PCBD2: variants seen among roughly 807,000 people sequenced by gnomAD.
PCBD2 encodes pterin-4 alpha-carbinolamine dehydratase 2.
Under a neutral mutation model 16.4 loss-of-function variants are expected in PCBD2, and 12 were observed. That is an observed-to-expected ratio of 0.73 (90% CI 0.47 to 1.19). The LOEUF (loss-of-function observed/expected upper bound fraction) is 1.19. PCBD2 is among the 50% of genes most tolerant of loss of function. PCBD2 has a pLI of 0.00. For missense variants in PCBD2, 138 were observed against 156.8 expected, an observed-to-expected ratio of 0.88 and a Z score of 0.64; for synonymous variants, 58 against 61.8, an observed-to-expected ratio of 0.94 and a Z score of 0.29.
At chr5:134,940,078 C>T (rs1271045530) in intron 2 of PCBD2, among the ~76,000 whole-genome samples, 2 of 152,080 alleles carry the variant, frequency 1.3e-5, no homozygotes, top group Non-Finnish European at 2.9e-5. Flanking sequence ...AGTAACTCTC[C>T]CAGGCGAAAG....
intron 3 of PCBD2, among the ~76,000 whole-genome samples, chr5:134,959,854 T>G (rs1751455401): frequency 6.6e-6 from 1 of 151,862 alleles, no homozygotes; most frequent in African/African-American, 2.4e-5. Context: ...TTCCATCCTT[T>G]ACTCCCATTT....
chr5:134,957,152 G>C (rs1580895701), intron 2 of PCBD2, among the ~76,000 whole-genome samples: 1 of 152,148 alleles, frequency 6.6e-6, no homozygotes, highest in Non-Finnish European at 1.5e-5. Flanking sequence ...AATCCCAGCT[G>C]CTCAGGATGC....
intron 2 of PCBD2, among the ~76,000 whole-genome samples, chr5:134,951,464 A>G (rs1198989547): frequency 1.3e-5 from 2 of 152,186 alleles, no homozygotes; most frequent in African/African-American, 4.8e-5. Context: ...TAGCTATTAC[A>G]GGCAGTGCTG....
At chr5:134,909,232 C>T (rs2149529641) in intron 1 of PCBD2, among the ~76,000 whole-genome samples, 1 of 152,360 alleles carries the variant, frequency 6.6e-6, no homozygotes, top group South Asian at 2.1e-4. Flanking sequence ...GGGCAGTACT[C>T]TGGCCAAACT....
intron 1 of PCBD2, among the ~76,000 whole-genome samples, chr5:134,909,508 A>G (rs1750739162): frequency 6.6e-6 from 1 of 152,210 alleles, no homozygotes; most frequent in East Asian, 1.9e-4. Context: ...GCTCTGTACA[A>G]AATAAGCTGT....
chr5:134,908,402 C>T (rs192626384), intron 1 of PCBD2, among the ~76,000 whole-genome samples: 72 of 152,066 alleles, frequency 4.7e-4, no homozygotes, highest in African/African-American at 1.6e-3. Flanking sequence ...CAGTGGCTCA[C>T]GCCTGTAATC....
chr5:134,927,745 T>C (rs1465443180), intron 2 of PCBD2: 10 of 397,770 alleles, frequency 2.5e-5, no homozygotes, highest in Non-Finnish European at 4.4e-5. Context: ...GAGATTAGTA[T>C]AGAGAGGTAG....
intron 2 of PCBD2, chr5:134,926,658 C>T (rs1751002180): frequency 2.5e-6 from 1 of 396,488 alleles, no homozygotes; most frequent in Admixed American, 4.4e-5. Context: ...ACTATATTTA[C>T]AGGAGGAAAA....
chr5:134,921,804 C>G (rs1422456163), intron 2 of PCBD2, among the ~76,000 whole-genome samples: 2 of 152,196 alleles, frequency 1.3e-5, no homozygotes, highest in Admixed American at 1.3e-4. Flanking sequence ...TGCCTTCCCT[C>G]TAGAGTTCTG....
chr5:134,912,443 G>A (rs942710888), intron 2 of PCBD2, among the ~76,000 whole-genome samples: 6 of 152,200 alleles, frequency 3.9e-5, no homozygotes, highest in African/African-American at 7.2e-5. Flanking sequence ...AAAGGGCACC[G>A]TGGGGTGAGC....
chr5:134,948,381 A>C (rs1050996629), intron 2 of PCBD2, among the ~76,000 whole-genome samples: 1 of 152,218 alleles, frequency 6.6e-6, no homozygotes, highest in Non-Finnish European at 1.5e-5. Context: ...CTATCTAGTT[A>C]GAGAACTTTC....
intron 2 of PCBD2, chr5:134,925,169 G>C (rs563564145): frequency 8.3e-5 from 33 of 398,276 alleles, no homozygotes; most frequent in African/African-American, 5.5e-4. Context: ...TGACCTGTTA[G>C]GGTGAGAAGA....
intron 2 of PCBD2, among the ~76,000 whole-genome samples, chr5:134,929,300 T>G (rs1313889648): frequency 6.6e-6 from 1 of 151,062 alleles, no homozygotes; most frequent in East Asian, 1.9e-4. Context: ...TGAGCTATGA[T>G]TGTGCTACTG....
At chr5:134,948,719 C>CT (rs11355696) in intron 2 of PCBD2, among the ~76,000 whole-genome samples, 177 of 142,372 alleles carry the variant, frequency 1.2e-3, no homozygotes, top group East Asian at 1.4e-3. Context: ...TGACTTGAAG[C>CT]TTTTTTTTTT....
intron 2 of PCBD2, among the ~76,000 whole-genome samples, chr5:134,948,672 T>C (rs1250052049): frequency 6.6e-6 from 1 of 152,140 alleles, no homozygotes; most frequent in African/African-American, 2.4e-5. Flanking sequence ...TTTTTTCAAT[T>C]GGCTGTGTAG....
chr5:134,942,167 T>C (rs1751238206), intron 2 of PCBD2, among the ~76,000 whole-genome samples: 1 of 151,012 alleles, frequency 6.6e-6, no homozygotes, highest in Non-Finnish European at 1.5e-5. Flanking sequence ...AGGAAACTTA[T>C]TTTTGCTAAA....
intron 1 of PCBD2, 42 bp downstream of exon 1, chr5:134,905,265 G>A: frequency 8.2e-7 from 1 of 1,220,166 alleles, no homozygotes; most frequent in Non-Finnish European, 1.0e-6. Flanking sequence ...CCGGGGTCGG[G>A]GGGCGGTGCG....
chr5:134,948,100 G>A (rs1370308074), intron 2 of PCBD2, among the ~76,000 whole-genome samples: 1 of 152,194 alleles, frequency 6.6e-6, no homozygotes, highest in African/African-American at 2.4e-5. Context: ...TAAAACCAGT[G>A]CTTCTGTTTG....
chr5:134,922,283 G>C (rs1361511750), intron 2 of PCBD2, among the ~76,000 whole-genome samples: 1 of 152,052 alleles, frequency 6.6e-6, no homozygotes, highest in Non-Finnish European at 1.5e-5. Flanking sequence ...GGGCTCAAGC[G>C]ATCCTCCTGC....
Sources: allele counts gnomAD v4.1 joint callset (sites outside exome capture counted in the v4.1 genomes callset), GRCh38; gene constraint gnomAD v4.1.1; transcripts MANE v1.5; gene names NCBI Gene and HGNC (gene_info 2026-07-23, HGNC 2026-07-21).